CALB2: variants seen among roughly 807,000 people sequenced by gnomAD.
The protein encoded by CALB2 is calretinin.
Under a neutral mutation model 45.9 loss-of-function variants are expected in CALB2, and 34 were observed. The ratio of observed to expected loss-of-function variants is 0.74; its 90% confidence interval spans 0.56 to 0.99. The LOEUF (loss-of-function observed/expected upper bound fraction) is 0.99, where lower values mean the gene tolerates loss of function less well. CALB2 is among the 50% of genes least tolerant of loss of function. The pLI, the probability that CALB2 is intolerant of heterozygous loss-of-function variation, is 0.00. For missense variants in CALB2, 344 were observed against 339.3 expected (o/e 1.01, Z -0.11); for synonymous variants, 142 against 129.6 (o/e 1.10, Z -0.65).
intron 1 of CALB2, among the ~76,000 whole-genome samples, chr16:71,370,009 C>T (rs948815984): frequency 1.3e-5 from 2 of 152,214 alleles, no homozygotes; most frequent in African/African-American, 4.8e-5. Flanking sequence ...AATTCCAGTT[C>T]TCCTAAGAAG....
At position 71,376,732 on chromosome 16, in the gene CALB2, C is replaced by T. The variant is rs143618833; in HGVS notation, c.262-935C>T. Among the ~76,000 whole-genome samples, 741 of 152,210 alleles carry T rather than the reference C, an allele frequency of 4.9e-3. 2 individuals carry two copies. Among genetic ancestry groups the T allele is most frequent in the Non-Finnish European group, 8.1e-3 (554 of 68,008 alleles). ...ACCCACATACAACCACATACATCCA[C>T]ATTCAACCACACACACCCCCATACA... On this transcript the variant is annotated intron_variant, in intron 3 of 10. Transcript: ENST00000302628.
chr16:71,363,283 G>C (rs2042252239), intron 1 of CALB2, among the ~76,000 whole-genome samples: 1 of 152,168 alleles, frequency 6.6e-6, no homozygotes, highest in Non-Finnish European at 1.5e-5. Flanking sequence ...GTCTCCAGGT[G>C]GGGGGATCTG....
chr16:71,383,967 C>T lies in CALB2; in HGVS notation c.478-3C>T, dbSNP rs766376834. ...AACCCAGGCACCTTTCTGTCCCCAA[C>T]AGCTACGGATGTTTGACTTGAACGG... On this transcript the variant is annotated splice_region_variant and splice_polypyrimidine_tract_variant and intron_variant, in intron 6 of 10. Coordinates refer to ENST00000302628, the MANE Select transcript of CALB2 (RefSeq NM_001740.5). 3 of 1,613,896 alleles carry T rather than the reference C, an allele frequency of 1.9e-6. No homozygotes were observed. Among genetic ancestry groups the T allele is most frequent in the Non-Finnish European group, 2.5e-6 (3 of 1,179,828 alleles).
At chr16:71,361,203 G>A (rs1283353325) in intron 1 of CALB2, among the ~76,000 whole-genome samples, 3 of 152,188 alleles carry the variant, frequency 2.0e-5, no homozygotes. Flanking sequence ...CACAGCCTCA[G>A]GGAAGTCCCA....
In CALB2 at chr16:71,382,791, G is replaced by T; in HGVS notation, c.399+16G>T. On this transcript the variant is annotated intron_variant, in intron 5 of 10. Coordinates refer to ENST00000302628, the MANE Select transcript of CALB2 (RefSeq NM_001740.5). ...TGAGCTCAAGGTAGGATGGGCCTTG[G>T]GGAGGGTGTGAGGCCAGAGTGGCGG... 1 of 1,604,074 alleles carries T rather than the reference G, an allele frequency of 6.2e-7. No homozygotes were observed. The highest frequency in any genetic ancestry group is 8.5e-7 in the Non-Finnish European group (1 of 1,175,774).
intron 2 of CALB2, among the ~76,000 whole-genome samples, chr16:71,373,043 G>T (rs566871719): frequency 1.0e-3 from 152 of 152,182 alleles, no homozygotes; most frequent in Non-Finnish European, 1.4e-3. Flanking sequence ...TGCCAACGTG[G>T]CACTACTGAG....
intron 1 of CALB2, among the ~76,000 whole-genome samples, chr16:71,364,792 CTTA>C (rs2144952976): frequency 6.6e-6 from 1 of 152,274 alleles, no homozygotes; most frequent in African/African-American, 2.4e-5. Flanking sequence ...CACTCTGGGG[CTTA>C]TTCTTTTTTC....
rs746455300 is a variant in CALB2 at position 71,384,037 on chromosome 16, A to AC, written c.533+17dup. 1.9e-6 allele frequency: 3 copies of AC among 1,612,596 alleles called. No individual in the cohort carries two copies. The highest frequency in any genetic ancestry group is 2.5e-6 in the Non-Finnish European group (3 of 1,179,092). ...TCAGAGATGTCCCGGTAAGCACCTC[A>AC]CCCCCGGGGTCACTGATACTGGCTC... On this transcript the variant is annotated intron_variant, in intron 7 of 10. Coordinates refer to ENST00000302628, the MANE Select transcript of CALB2 (RefSeq NM_001740.5).
At chr16:71,371,764 C>T (rs575692368) in intron 1 of CALB2, among the ~76,000 whole-genome samples, 13 of 152,128 alleles carry the variant, frequency 8.5e-5, no homozygotes, top group African/African-American at 2.7e-4. Flanking sequence ...CACTCCAACC[C>T]GCTACACCTT....
chr16:71,366,168 G>A lies in CALB2; in HGVS notation c.95-5985G>A, dbSNP rs554776223. On this transcript the variant is annotated intron_variant, in intron 1 of 10. Coordinates refer to ENST00000302628, the MANE Select transcript of CALB2 (RefSeq NM_001740.5). Reference sequence around the variant, plus strand: ...CAGCCTCCCAAGTAGATGGGACTACGTGTGCCCGCTACCACGCCCGGCTAA... The same window carrying A: ...CAGCCTCCCAAGTAGATGGGACTACATGTGCCCGCTACCACGCCCGGCTAA... Among the ~76,000 whole-genome samples, 10 of 145,014 alleles carry A rather than the reference G, an allele frequency of 6.9e-5. No individual in the cohort carries two copies. The East Asian group carries it at 8.2e-4, about 12-fold the overall frequency.
At chr16:71,384,293 T>C (rs1347167616) in intron 7 of CALB2, 46 bp from the exon 8 acceptor site, 4 of 1,547,558 alleles carry the variant, frequency 2.6e-6, no homozygotes, top group Non-Finnish European at 3.6e-6. Flanking sequence ...CCGCTTGCCC[T>C]TGCCTGTGCA....
At chr16:71,359,751 T>A (rs2042219714) in intron 1 of CALB2, among the ~76,000 whole-genome samples, 1 of 152,214 alleles carries the variant, frequency 6.6e-6, no homozygotes, top group African/African-American at 2.4e-5. Flanking sequence ...CTTTAGAGGC[T>A]TTTGATATCA....
intron 1 of CALB2, among the ~76,000 whole-genome samples, chr16:71,366,760 T>G (rs1241091983): frequency 6.6e-6 from 1 of 152,160 alleles, no homozygotes; most frequent in African/African-American, 2.4e-5. Context: ...GTTCCTTCCA[T>G]TTATGTGAGA....
intron 7 of CALB2, 131 bp from the exon 8 acceptor site, chr16:71,384,208 C>A: frequency 1.0e-6 from 1 of 991,868 alleles, no homozygotes; most frequent in Non-Finnish European, 1.6e-6. Flanking sequence ...TTTGAACTTC[C>A]CACTGATTCA....
intron 10 of CALB2, chr16:71,389,479 A>T (rs2042611057): frequency 1.6e-6 from 1 of 608,686 alleles, no homozygotes; most frequent in Admixed American, 2.1e-5. Context: ...TGAGGCATGA[A>T]CTTTTAGTGT....
chr16:71,385,532 G>T (rs763577490), intron 9 of CALB2, 45 bp from the exon 10 acceptor site: 3 of 1,571,394 alleles, frequency 1.9e-6, no homozygotes, highest in Non-Finnish European at 1.8e-6. Context: ...GGACAGCAGG[G>T]GCCCAGGCTT....
chr16:71,389,504 T>G lies in CALB2; in HGVS notation c.700-245T>G, dbSNP rs774752387. ...ACTTTTAGTGTACCCATTTTACAGG[T>G]GAGGCAGCTGAGTCTCAGGAAGGTT... On this transcript the variant is annotated intron_variant, in intron 10 of 10. Transcript: ENST00000302628. 3 of 667,388 alleles carry G rather than the reference T, an allele frequency of 4.5e-6. No individual in the cohort carries two copies. In the African/African-American group the frequency reaches 5.3e-5, roughly 12 times the overall value. 41.3% of individuals were successfully genotyped at this position (667,388 alleles called of 1,614,324 possible).
chr16:71,364,851 G>A (rs552656664), intron 1 of CALB2, among the ~76,000 whole-genome samples: 189 of 152,318 alleles, frequency 1.2e-3, no homozygotes, highest in Middle Eastern at 6.8e-3. Context: ...AGAGAGAGAA[G>A]CCAGGACAAA....
chr16:71,370,565 AT>A (rs920657220), intron 1 of CALB2, among the ~76,000 whole-genome samples: 3 of 151,850 alleles, frequency 2.0e-5, no homozygotes, highest in Non-Finnish European at 2.9e-5. Flanking sequence ...AGATATCCAT[AT>A]TTTTTTTAAG....
Sources: gnomAD v4.1 joint callset for allele counts (sites outside exome capture counted in the v4.1 genomes callset) on GRCh38, gnomAD v4.1.1 for gene constraint, MANE v1.5 for transcripts, NCBI Gene and HGNC (gene_info 2026-07-23, HGNC 2026-07-21) for gene names.